Variants in SLC5A3 observed in about 807,000 individuals in gnomAD.
The protein encoded by SLC5A3 is solute carrier family 5 member 3.
Under a neutral mutation model 43.2 loss-of-function variants are expected in SLC5A3, and 10 were observed. The observed-to-expected ratio is 0.23, with a 90% CI of 0.14 to 0.39. The LOEUF (loss-of-function observed/expected upper bound fraction) is 0.39, where lower values mean the gene tolerates loss of function less well. SLC5A3 is among the 10% of genes least tolerant of loss of function. SLC5A3 has a pLI of 1.00. For synonymous variants in SLC5A3, 349 were observed against 322.0 expected (o/e 1.08, Z -0.90); for missense variants, 608 against 893.4 (o/e 0.68, Z 4.07).
intron 1 of SLC5A3, among the ~76,000 whole-genome samples, chr21:34,082,807 T>G (rs759590735): frequency 2.0e-5 from 3 of 152,200 alleles, no homozygotes; most frequent in South Asian, 4.1e-4. Flanking sequence ...GATCCCAGGT[T>G]GTTCTTACGT....
chr21:34,086,865 T>C (rs1978414972), intron 1 of SLC5A3, among the ~76,000 whole-genome samples: 2 of 152,076 alleles, frequency 1.3e-5, no homozygotes, highest in African/African-American at 4.8e-5. Flanking sequence ...ATCAGGGTGC[T>C]TGGGTTTCTG....
intron 1 of SLC5A3, among the ~76,000 whole-genome samples, chr21:34,086,200 T>C (rs1022696040): frequency 6.6e-6 from 1 of 152,116 alleles, no homozygotes; most frequent in African/African-American, 2.4e-5. Context: ...AGAAATTTGA[T>C]TAGATTCAGG....
intron 1 of SLC5A3, among the ~76,000 whole-genome samples, chr21:34,085,936 T>G (rs1450243849): frequency 6.6e-6 from 1 of 152,186 alleles, no homozygotes; most frequent in East Asian, 1.9e-4. Context: ...GTAGTGCCTT[T>G]ACACCTAACT....
rs200832534 is a variant in SLC5A3, at chr21:34,079,192, GA to G, written c.-337+5454del. Among the ~76,000 whole-genome samples, 81 of 152,094 alleles carry G rather than the reference GA, an allele frequency of 5.3e-4. No individual in the cohort carries two copies. The East Asian group carries it at 0.014, about 26-fold the overall frequency. On this transcript the variant is annotated intron_variant, in intron 1 of 1. Coordinates refer to ENST00000381151, the MANE Select transcript of SLC5A3 (RefSeq NM_006933.7). ...AAGATTTTACAGTTGAATAGGTGGG[GA>G]AAAAAACAGCAATACTTTATGGCAC...
Position 34,103,637 on chromosome 21 carries a change from G to C in SLC5A3, c.*6282G>C, listed in dbSNP as rs1979347946. 6 of 1,000,068 alleles carry C rather than the reference G, an allele frequency of 6.0e-6. No homozygotes were observed. The highest frequency in any genetic ancestry group is 7.2e-6 in the Non-Finnish European group (6 of 829,896). The allele number at this position is 1,000,068 out of a possible 1,614,324, so 61.9% of individuals were successfully genotyped here. On this transcript the variant is annotated 3_prime_UTR_variant, in exon 2 of 2. Transcript: ENST00000381151. The stretch of plus-strand genomic sequence containing the variant: ...AAGCACAAGACTAATAGTATTCTCT[G>C]TATCCCACAAGTGCCAGTCATAAAG...
intron 1 of SLC5A3, among the ~76,000 whole-genome samples, chr21:34,086,397 G>A (rs1211113558): frequency 6.6e-6 from 1 of 152,108 alleles, no homozygotes; most frequent in Non-Finnish European, 1.5e-5. Flanking sequence ...TAGCATCCCT[G>A]TACTCATAGC....
In SLC5A3 at chr21:34,095,599, A is replaced by G. The variant is rs1027342132; in HGVS notation, c.401A>G (p.Tyr134Cys). 5 of 1,611,512 alleles carry G rather than the reference A, an allele frequency of 3.1e-6. No individual in the cohort carries two copies. Among genetic ancestry groups the G allele is most frequent in the South Asian group, 1.1e-5 (1 of 90,986 alleles). ...TTTGCAGCCTTGTCTCTGATTCTCTATATTTTCACCAAGCTCTCGGTGGAT... is the reference window on the plus strand; with the variant it reads ...TTTGCAGCCTTGTCTCTGATTCTCTGTATTTTCACCAAGCTCTCGGTGGAT... ...VYFAALSLIL[Y>C]IFTKLSVDLY... Residue 134 changes from tyrosine to cysteine, a missense_variant, in exon 2 of 2, where the codon TAT becomes TGT. Tyr to Cys is a radical substitution (Grantham distance 194). Transcript: ENST00000381151.
At chr21:34,093,237 GA>G (rs1366905330) in intron 1 of SLC5A3, among the ~76,000 whole-genome samples, 55 of 147,046 alleles carry the variant, frequency 3.7e-4, no homozygotes, top group African/African-American at 1.3e-3. Context: ...CAACTTTTAA[GA>G]TTTTTTTTTT....
Position 34,097,270 on chromosome 21 carries a change from C to T in SLC5A3, c.2072C>T (p.Thr691Ile), listed in dbSNP as rs1420621644. 1.2e-6 allele frequency: 2 copies of T among 1,613,760 alleles called. No individual in the cohort carries two copies. The highest frequency in any genetic ancestry group is 1.7e-6 in the Non-Finnish European group (2 of 1,179,884). The change falls in exon 2 of 2, where the codon ACT (threonine) becomes ATT (isoleucine). Residue 691 changes from threonine (T) to isoleucine (I), a missense_variant. This residue lies in a region of SLC5A3 where 210 missense variants were observed against 224.8 expected (regional missense o/e 0.93). Transcript: ENST00000381151. ...EAVCLQMLEETRQVKVILNIG... is the reference protein window; with the variant it reads ...EAVCLQMLEEIRQVKVILNIG... ...GTTTGTTTACAGATGCTAGAAGAGA[C>T]TCGGCAAGTTAAAGTAATACTAAAT...
Position 34,100,122 on chromosome 21 carries a change from G to A in SLC5A3, c.*2767G>A, listed in dbSNP as rs1979166953. ...AAGCTAAGGTTCAGAATTGAAGCTT[G>A]ATATTGACTAGAATAGCTAAAAGTC... On this transcript the variant is annotated 3_prime_UTR_variant, in exon 2 of 2. Coordinates refer to ENST00000381151, the MANE Select transcript of SLC5A3 (RefSeq NM_006933.7). The A allele has an allele frequency of 3.0e-6, 3 of 998,826 alleles. No individual in the cohort carries two copies. The Admixed American group carries it at 1.8e-4, about 61-fold the overall frequency. 61.9% of individuals were successfully genotyped at this position (998,826 alleles called of 1,614,324 possible). A position where few individuals can be genotyped will look rare whatever the true frequency, so the allele number is the denominator to read the frequency against.
In SLC5A3 at chr21:34,100,674, G is replaced by C. The variant is rs1470141703; in HGVS notation, c.*3319G>C. ...CACATTTTAAGAACTGAGTTGAGGG[G>C]GTTGTTATGCACTTCTGTAACTTGA... is the stretch of plus-strand genomic sequence containing the variant. On this transcript the variant is annotated 3_prime_UTR_variant, in exon 2 of 2. Coordinates refer to ENST00000381151, the MANE Select transcript of SLC5A3 (RefSeq NM_006933.7). 3.0e-6 allele frequency: 3 copies of C among 1,000,014 alleles called. No individual in the cohort carries two copies. Among genetic ancestry groups the C allele is most frequent in the African/African-American group, 3.5e-5 (2 of 57,168 alleles). 61.9% of individuals were successfully genotyped at this position (1,000,014 alleles called of 1,614,324 possible).
Position 34,097,365 on chromosome 21 carries a change from T to A in SLC5A3, c.*10T>A, listed in dbSNP as rs753047520. ...TTATTTCTCCTTATGAACTTAAGGATATGGTGAGACACTAACTTAAGACAA... is the reference window on the plus strand; with the variant it reads ...TTATTTCTCCTTATGAACTTAAGGAAATGGTGAGACACTAACTTAAGACAA... On this transcript the variant is annotated 3_prime_UTR_variant, in exon 2 of 2. Coordinates refer to ENST00000381151, the MANE Select transcript of SLC5A3 (RefSeq NM_006933.7). The A allele has an allele frequency of 6.3e-7, 1 of 1,580,040 alleles. No individual in the cohort carries two copies. Among genetic ancestry groups the A allele is most frequent in the Non-Finnish European group, 8.6e-7 (1 of 1,163,936 alleles).
At position 34,104,358 on chromosome 21, in the gene SLC5A3, C is replaced by G; in HGVS notation, c.*7003C>G. On this transcript the variant is annotated 3_prime_UTR_variant, in exon 2 of 2. Transcript: ENST00000381151. ...GTATGTTCTTCTACTCAGCATTGCC[C>G]TTTTCCACCTCCTCACTTCACCTCC... The G allele has an allele frequency of 1.0e-6, 1 of 1,000,128 alleles. No homozygotes were observed. The highest frequency in any genetic ancestry group is 1.2e-6 in the Non-Finnish European group (1 of 829,906). The allele number at this position is 1,000,128 out of a possible 1,614,324, so 62.0% of individuals were successfully genotyped here. A position where few individuals can be genotyped will look rare whatever the true frequency, so the allele number is the denominator to read the frequency against.
chr21:34,103,295 G>T lies in SLC5A3; in HGVS notation c.*5940G>T, dbSNP rs1979327163. On this transcript the variant is annotated 3_prime_UTR_variant, in exon 2 of 2. Coordinates refer to ENST00000381151, the MANE Select transcript of SLC5A3 (RefSeq NM_006933.7). The stretch of plus-strand genomic sequence containing the variant: ...GTATTTGTTATTCCTCTTAAATTTT[G>T]TCGTAACTAGTGAAGGAAGTAAAAA... The T allele has an allele frequency of 2.0e-5, 20 of 977,878 alleles. No individual in the cohort carries two copies. The highest frequency in any genetic ancestry group is 1.2e-4 in the East Asian group (1 of 8,422). The allele number at this position is 977,878 out of a possible 1,614,324, so 60.6% of individuals were successfully genotyped here.
Position 34,103,805 on chromosome 21 carries a change from G to C in SLC5A3, c.*6450G>C. 1.0e-6 allele frequency: 1 copy of C among 1,000,152 alleles called. No individual in the cohort carries two copies. Among genetic ancestry groups the C allele is most frequent in the Non-Finnish European group, 1.2e-6 (1 of 829,956 alleles). The allele number at this position is 1,000,152 out of a possible 1,614,324, so 62.0% of individuals were successfully genotyped here. Reference sequence around the variant, plus strand: ...TTTGTACCACATTGATGGAGGGAGAGAATATAAATGTCAAGAATGCCAAAA... The same window carrying C: ...TTTGTACCACATTGATGGAGGGAGACAATATAAATGTCAAGAATGCCAAAA... On this transcript the variant is annotated 3_prime_UTR_variant, in exon 2 of 2. Transcript: ENST00000381151.
In SLC5A3 at chr21:34,105,846, T is replaced by G; in HGVS notation, c.*8491T>G. The G allele has an allele frequency of 4.0e-6, 4 of 995,260 alleles. No individual in the cohort carries two copies. The highest frequency in any genetic ancestry group is 4.8e-6 in the Non-Finnish European group (4 of 825,540). The allele number at this position is 995,260 out of a possible 1,614,324, so 61.7% of individuals were successfully genotyped here. A position where few individuals can be genotyped will look rare whatever the true frequency, so the allele number is the denominator to read the frequency against. On this transcript the variant is annotated 3_prime_UTR_variant, in exon 2 of 2. Transcript: ENST00000381151. ...TGGTATAAAGCAGGTTATTTCTATA[T>G]TGAAAGGAGTACAGTTGAAATTGTA...
chr21:34,096,495 C>G lies in SLC5A3; in HGVS notation c.1297C>G (p.Gln433Glu). The change falls in exon 2 of 2, where the codon CAA becomes GAA. Residue 433 changes from glutamine (Q) to glutamate (E), a missense_variant. This residue lies in a region of SLC5A3 where 398 missense variants were observed against 668.6 expected (regional missense o/e 0.60). Coordinates refer to ENST00000381151, the MANE Select transcript of SLC5A3 (RefSeq NM_006933.7). This position sits in a 1 kb window ranked among gnomAD's most constrained non-coding sequence, Gnocchi z 5.9. ...ATGGGTGCCAATCATCGTGGAGATG[C>G]AAGGAGGCCAGATGTACCTTTACAT... ...IAWVPIIVEM[Q>E]GGQMYLYIQE... 6.2e-7 allele frequency: 1 copy of G among 1,614,114 alleles called. No homozygotes were observed. The highest frequency in any genetic ancestry group is 8.5e-7 in the Non-Finnish European group (1 of 1,180,002).
Position 34,100,514 on chromosome 21 carries a change from C to T in SLC5A3, c.*3159C>T, listed in dbSNP as rs1380425017. 1 of 1,000,082 alleles carries T rather than the reference C, an allele frequency of 1.0e-6. No homozygotes were observed. Among genetic ancestry groups the T allele is most frequent in the African/African-American group, 1.7e-5 (1 of 57,228 alleles). The allele number at this position is 1,000,082 out of a possible 1,614,324, so 62.0% of individuals were successfully genotyped here. ...GCCTAAATTCAATAGATCTCATCTC[C>T]TAGGGCTTCCTTTTCACTTGGCTCA... On this transcript the variant is annotated 3_prime_UTR_variant, in exon 2 of 2. Transcript: ENST00000381151.
chr21:34,093,749 T>A (rs1006329632), intron 1 of SLC5A3, among the ~76,000 whole-genome samples: 3 of 152,348 alleles, frequency 2.0e-5, no homozygotes, highest in African/African-American at 7.2e-5. Context: ...TATTTGTCTC[T>A]TTTTCAGGAG....
Sources: allele counts gnomAD v4.1 joint callset (sites outside exome capture counted in the v4.1 genomes callset), GRCh38; gene constraint gnomAD v4.1.1; regional missense constraint gnomAD v4.1.1; non-coding constraint Gnocchi (gnomAD v3.1); transcripts MANE v1.5; gene names NCBI Gene and HGNC (gene_info 2026-07-23, HGNC 2026-07-21).